Variants in IKZF3 observed in about 807,000 individuals in gnomAD.
IKZF3 encodes the protein IKAROS family zinc finger 3, also known as zinc finger protein Aiolos.
Under a neutral mutation model 49.0 loss-of-function variants are expected in IKZF3, and 10 were observed. The observed-to-expected ratio is 0.20, with a 90% CI of 0.13 to 0.35. The LOEUF (loss-of-function observed/expected upper bound fraction) is 0.35. IKZF3 is among the 10% of genes least tolerant of loss of function. The probability of loss-of-function intolerance (pLI) is 1.00; values close to 1 mark genes in which losing one functional copy is unlikely to be tolerated. For missense variants in IKZF3, 498 were observed against 664.8 expected (o/e 0.75, Z 2.76); for synonymous variants, 209 against 228.2 (o/e 0.92, Z 0.76).
chr17:39,803,802 C>T (rs1457346776), intron 3 of IKZF3, among the ~76,000 whole-genome samples: 1 of 152,018 alleles, frequency 6.6e-6, no homozygotes, highest in Non-Finnish European at 1.5e-5. Flanking sequence ...CGTGAGCCAC[C>T]GCGCCCAGCC....
At chr17:39,796,050 TAA>T (rs1221234824) in intron 3 of IKZF3, among the ~76,000 whole-genome samples, 1 of 151,766 alleles carries the variant, frequency 6.6e-6, no homozygotes, top group Non-Finnish European at 1.5e-5. Context: ...TCAAAAAAGA[TAA>T]AATAAAATAA....
rs1175998926 is a variant in IKZF3, at chr17:39,760,158, T to TG, written c.*5631_*5632insC. The TG allele has an allele frequency of 5.8e-5, 2 of 34,400 alleles. No individual in the cohort carries two copies. The highest frequency in any genetic ancestry group is 1.6e-4 in the Non-Finnish European group (2 of 12,842). The allele number at this position is 34,400 out of a possible 1,614,324, so 2.1% of individuals were successfully genotyped here. ...TACTATTTTTTTCCTTAAAACATTCTTTTTTTTTTTTTTTTTGAGATGGAG... is the reference window on the plus strand; with the variant it reads ...TACTATTTTTTTCCTTAAAACATTCTGTTTTTTTTTTTTTTTTGAGATGGAG... On this transcript the variant is annotated 3_prime_UTR_variant, in exon 8 of 8. Transcript: ENST00000346872.
intron 3 of IKZF3, among the ~76,000 whole-genome samples, chr17:39,819,688 G>GA (rs2061757339): frequency 6.6e-6 from 1 of 152,082 alleles, no homozygotes; most frequent in South Asian, 2.1e-4. Flanking sequence ...TTCTTTTCTT[G>GA]AAAAGGAGTC....
chr17:39,761,927 A>T lies in IKZF3; in HGVS notation c.*3863T>A, dbSNP rs1387526942. The T allele has an allele frequency of 6.6e-6, 1 of 152,252 alleles. No individual in the cohort carries two copies. Among genetic ancestry groups the T allele is most frequent in the Non-Finnish European group, 1.5e-5 (1 of 68,154 alleles). The allele number at this position is 152,252 out of a possible 1,614,324, so 9.4% of individuals were successfully genotyped here. ...TCCATGTTGGTCAGGCAGGTCTCGA[A>T]CTCCCAACCTCAGGTGATCTGCCTG... On this transcript the variant is annotated 3_prime_UTR_variant, in exon 8 of 8. Coordinates refer to ENST00000346872, the MANE Select transcript of IKZF3 (RefSeq NM_012481.5).
intron 1 of IKZF3, among the ~76,000 whole-genome samples, chr17:39,842,954 T>A (rs1212895900): frequency 6.6e-6 from 1 of 152,200 alleles, no homozygotes; most frequent in African/African-American, 2.4e-5. Flanking sequence ...GTGATATTCC[T>A]GCCAAATATG....
At chr17:39,854,096 G>A (rs990675626) in intron 1 of IKZF3, among the ~76,000 whole-genome samples, 3 of 151,980 alleles carry the variant, frequency 2.0e-5, no homozygotes, top group Non-Finnish European at 2.9e-5. Context: ...ACTGCATTCC[G>A]GCCTGGGTGA....
intron 3 of IKZF3, among the ~76,000 whole-genome samples, chr17:39,811,570 T>G (rs1251933696): frequency 1.3e-5 from 2 of 152,206 alleles, no homozygotes; most frequent in Non-Finnish European, 2.9e-5. Flanking sequence ...TGGAAATTGA[T>G]TCTCTTAAAA....
chr17:39,837,445 C>CTT (rs765376491), intron 1 of IKZF3, among the ~76,000 whole-genome samples: 3 of 137,500 alleles, frequency 2.2e-5, no homozygotes, highest in Admixed American at 7.4e-5. Flanking sequence ...TTTCTTAAAA[C>CTT]TTTTTTTTTT....
intron 3 of IKZF3, among the ~76,000 whole-genome samples, chr17:39,793,547 C>T (rs963329006): frequency 2.6e-5 from 4 of 152,166 alleles, no homozygotes; most frequent in African/African-American, 9.7e-5. Flanking sequence ...GTTGTCAGTA[C>T]TAATGAAAAA....
chr17:39,765,686 A>C lies in IKZF3; in HGVS notation c.*104T>G, dbSNP rs2060270939. The C allele has an allele frequency of 1.2e-6, 1 of 837,506 alleles. No individual in the cohort carries two copies. The highest frequency in any genetic ancestry group is 1.9e-6 in the Non-Finnish European group (1 of 531,512). 51.9% of individuals were successfully genotyped at this position (837,506 alleles called of 1,614,324 possible). Reference sequence around the variant, plus strand: ...GAACACAGCTAAAAATGGTATGAAAAGAAGTTTGGAACTGAGTATGTTTTG... The same window carrying C: ...GAACACAGCTAAAAATGGTATGAAACGAAGTTTGGAACTGAGTATGTTTTG... On this transcript the variant is annotated 3_prime_UTR_variant, in exon 8 of 8. Transcript: ENST00000346872.
intron 2 of IKZF3, 113 bp from the exon 3 acceptor site, chr17:39,829,601 G>C: frequency 1.4e-6 from 1 of 700,780 alleles, no homozygotes; most frequent in Non-Finnish European, 2.4e-6. Context: ...TTTAGTGACA[G>C]ATAGTACCCC....
intron 3 of IKZF3, among the ~76,000 whole-genome samples, chr17:39,818,825 T>C (rs960025111): frequency 1.4e-4 from 21 of 152,202 alleles, no homozygotes; most frequent in African/African-American, 4.1e-4. Context: ...ACCACCGCAC[T>C]CCAGCCTGGG....
intron 6 of IKZF3, chr17:39,778,310 T>TTTTTC: frequency 6.4e-6 from 2 of 314,688 alleles, no homozygotes; most frequent in African/African-American, 4.6e-5. Flanking sequence ...TTTCTTTTTC[T>TTTTTC]TTTTTTTTTT....
chr17:39,839,332 A>G, intron 1 of IKZF3: 1 of 525,376 alleles, frequency 1.9e-6, no homozygotes, highest in Non-Finnish European at 3.5e-6. Flanking sequence ...TGACCTTGAG[A>G]CAGCATAAAT....
At chr17:39,843,281 C>G (rs28403951) in intron 1 of IKZF3, among the ~76,000 whole-genome samples, 14,126 of 152,082 alleles carry the variant, frequency 0.093, 1,350 homozygotes, top group African/African-American at 0.25. Context: ...AAGCATAGGA[C>G]AGGGATAGAG....
chr17:39,771,798 G>A (rs1399280763), intron 7 of IKZF3, among the ~76,000 whole-genome samples: 2 of 152,226 alleles, frequency 1.3e-5, no homozygotes, highest in African/African-American at 4.8e-5. Flanking sequence ...GGATTGCAGT[G>A]GCGTGATCAC....
intron 5 of IKZF3, among the ~76,000 whole-genome samples, chr17:39,789,300 C>T (rs1468261862): frequency 1.3e-5 from 2 of 152,110 alleles, no homozygotes; most frequent in East Asian, 3.9e-4. Flanking sequence ...CACAGTGGCT[C>T]ACGCCTGTAA....
chr17:39,858,376 C>T (rs2063126448), intron 1 of IKZF3, among the ~76,000 whole-genome samples: 1 of 152,172 alleles, frequency 6.6e-6, no homozygotes, highest in Non-Finnish European at 1.5e-5. Flanking sequence ...TCTAAGAACA[C>T]TACTAAGTAC....
intron 3 of IKZF3, among the ~76,000 whole-genome samples, chr17:39,813,495 T>G (rs1400124123): frequency 6.7e-6 from 1 of 150,328 alleles, no homozygotes; most frequent in Non-Finnish European, 1.5e-5. Context: ...AAAAAAAAAA[T>G]TAGCCATGCA....
Sources: gnomAD v4.1 joint callset for allele counts (sites outside exome capture counted in the v4.1 genomes callset) on GRCh38, gnomAD v4.1.1 for gene constraint, MANE v1.5 for transcripts, NCBI Gene and HGNC (gene_info 2026-07-23, HGNC 2026-07-21) for gene names.